CUBN: variants seen among roughly 807,000 people sequenced by gnomAD.
CUBN encodes the protein 460 kDa receptor.
Under a neutral mutation model 405.3 loss-of-function variants are expected in CUBN, and 282 were observed. The ratio of observed to expected loss-of-function variants is 0.70; its 90% CI spans 0.63 to 0.77. The LOEUF (loss-of-function observed/expected upper bound fraction) is 0.77, where lower values mean the gene tolerates loss of function less well. CUBN is among the 30% of genes least tolerant of loss of function. The pLI, the probability that CUBN is intolerant of heterozygous loss-of-function variation, is 0.00. For synonymous variants in CUBN, 1,684 were observed against 1,617.0 expected (o/e 1.04, Z -0.99); for missense variants, 4,514 against 4,475.2 (o/e 1.01, Z -0.25).
rs1384220074 is a variant in CUBN, at chr10:16,956,426, AT to A, written c.4696-1879del. Among the ~76,000 whole-genome samples the A allele has an allele frequency of 1.3e-5, 2 of 152,032 alleles. 1 individual carries two copies. The highest frequency in any genetic ancestry group is 1.3e-4 in the Admixed American group (2 of 15,246). On this transcript the variant is annotated intron_variant, in intron 31 of 66. Transcript: ENST00000377833. ...AATTCCATTTTTCTAACCAATTCAA[AT>A]TATAATTTCCAATCTAGTATGAATC...
At chr10:16,934,899 T>C (rs946485516) in intron 39 of CUBN, among the ~76,000 whole-genome samples, 4 of 152,196 alleles carry the variant, frequency 2.6e-5, no homozygotes, top group Admixed American at 6.5e-5. Flanking sequence ...GAAGGAGACC[T>C]GTTGTTTTCA....
intron 27 of CUBN, among the ~76,000 whole-genome samples, chr10:17,033,540 C>A (rs1010520901): frequency 2.6e-5 from 4 of 152,188 alleles, no homozygotes; most frequent in African/African-American, 9.7e-5. Flanking sequence ...AGGATAGTGA[C>A]AGCCTGAGGA....
In CUBN at chr10:17,100,064, T is replaced by C; in HGVS notation, c.1706A>G (p.Tyr569Cys). ...SSDNALYFHL[Y>C]SEHLRNGRGF... is the part of the protein sequence containing the mutation. ...TCTCCCATTTCTTAAATGTTCAGAA[T>C]AGAGATGAAAATAGAGAGCATTGTC... Residue 569 changes from tyrosine (Y) to cysteine (C), a missense_variant, in exon 14 of 67, where the codon TAT becomes TGT. By Grantham distance (194) the Tyr-to-Cys change is radical (BLOSUM62 -2). This residue lies in a region of CUBN where 1,448 missense variants were observed against 1,388.0 expected (regional missense o/e 1.04). Coordinates refer to ENST00000377833, the MANE Select transcript of CUBN (RefSeq NM_001081.4). 1.2e-6 allele frequency: 2 copies of C among 1,613,988 alleles called. No homozygotes were observed. Among genetic ancestry groups the C allele is most frequent in the Non-Finnish European group, 1.7e-6 (2 of 1,179,946 alleles).
At chr10:16,826,704 G>T (rs879513880) in intron 66 of CUBN, among the ~76,000 whole-genome samples, 1 of 152,086 alleles carries the variant, frequency 6.6e-6, no homozygotes, top group Non-Finnish European at 1.5e-5. Context: ...ACTTAACGTG[G>T]CATTGGATTA....
intron 24 of CUBN, among the ~76,000 whole-genome samples, 176 bp from the exon 25 acceptor site, chr10:17,045,364 T>A (rs1391181480): frequency 6.7e-6 from 1 of 150,254 alleles, no homozygotes; most frequent in African/African-American, 2.4e-5. Context: ...TTTTCTATTT[T>A]TTTTTTTTTT....
chr10:17,000,667 T>G (rs1833852422), intron 28 of CUBN, among the ~76,000 whole-genome samples: 1 of 152,226 alleles, frequency 6.6e-6, no homozygotes, highest in South Asian at 2.1e-4. Flanking sequence ...GAAAAAATAT[T>G]TGCTTTCAGG....
chr10:16,827,358 T>G (rs1336484916), intron 66 of CUBN, among the ~76,000 whole-genome samples: 1 of 152,188 alleles, frequency 6.6e-6, no homozygotes, highest in Admixed American at 6.5e-5. Flanking sequence ...TATATGCAAA[T>G]ATATTCAAAG....
In CUBN at chr10:16,835,138, T is replaced by C. The variant is rs760807440; in HGVS notation, c.10238A>G (p.Asp3413Gly). The C allele has an allele frequency of 5.6e-6, 9 of 1,614,108 alleles. No homozygotes were observed. The African/African-American group carries it at 1.1e-4, about 19-fold the overall frequency. Reference sequence around the variant, plus strand: ...GCAATCCTTGTCATTGTCGTAGTTATCTGGCCATCCAGGGCTTCTCAGGTT... The same window carrying C: ...GCAATCCTTGTCATTGTCGTAGTTACCTGGCCATCCAGGGCTTCTCAGGTT... Reference protein sequence around the residue: ...FGNLRSPGWPDNYDNDKDCTV... With the variant: ...FGNLRSPGWPGNYDNDKDCTV... Residue 3413 changes from aspartate to glycine, a missense_variant, in exon 64 of 67, where the codon GAT becomes GGT. Transcript: ENST00000377833.
intron 22 of CUBN, among the ~76,000 whole-genome samples, chr10:17,059,021 C>T (rs1422926064): frequency 2.0e-5 from 3 of 151,640 alleles, no homozygotes; most frequent in African/African-American, 7.3e-5. Context: ...TTTCCTATCC[C>T]CTAAATTCAA....
chr10:16,958,693 T>C (rs550170723), intron 31 of CUBN, among the ~76,000 whole-genome samples: 2 of 152,314 alleles, frequency 1.3e-5, no homozygotes, highest in South Asian at 4.1e-4. Context: ...ATTAAACTAC[T>C]GTCTCATTCA....
At chr10:17,077,477 G>A (rs534798151) in intron 17 of CUBN, among the ~76,000 whole-genome samples, 4 of 152,262 alleles carry the variant, frequency 2.6e-5, no homozygotes, top group Admixed American at 1.3e-4. Context: ...TAATACGCAC[G>A]CTCATTTGTC....
chr10:16,847,496 T>C (rs1323768760), intron 60 of CUBN, among the ~76,000 whole-genome samples: 2 of 152,054 alleles, frequency 1.3e-5, no homozygotes, highest in African/African-American at 4.8e-5. Flanking sequence ...AAAAAATGTA[T>C]TTTATTTGTA....
At chr10:16,966,620 C>T (rs992622838) in intron 31 of CUBN, among the ~76,000 whole-genome samples, 3 of 151,976 alleles carry the variant, frequency 2.0e-5, no homozygotes, top group African/African-American at 4.8e-5. Context: ...AGCTACATTT[C>T]GTATTTTTAG....
chr10:16,919,060 T>C (rs1333162260), intron 44 of CUBN, among the ~76,000 whole-genome samples: 5 of 152,246 alleles, frequency 3.3e-5, no homozygotes, highest in African/African-American at 1.2e-4. Context: ...CCATATTCTG[T>C]ATTGGTTTTA....
At chr10:17,067,824 G>A (rs1835646187) in intron 21 of CUBN, among the ~76,000 whole-genome samples, 1 of 152,066 alleles carries the variant, frequency 6.6e-6, no homozygotes, top group African/African-American at 2.4e-5. Context: ...AGAAAGTTTT[G>A]TGGGTAGTGG....
chr10:16,883,021 A>G (rs919344332), intron 56 of CUBN, among the ~76,000 whole-genome samples: 2 of 152,014 alleles, frequency 1.3e-5, no homozygotes, highest in African/African-American at 4.8e-5. Context: ...GAAGAAAAGA[A>G]AAGAAAAGAA....
chr10:16,961,721 T>C (rs2131646156), intron 31 of CUBN, among the ~76,000 whole-genome samples: 1 of 143,512 alleles, frequency 7.0e-6, no homozygotes, highest in Non-Finnish European at 1.5e-5. Context: ...TTTTTTTTTT[T>C]TTTTTTTTGA....
chr10:17,115,670 G>C (rs1381951705), intron 6 of CUBN, 73 bp from the exon 7 acceptor site: 2 of 1,532,062 alleles, frequency 1.3e-6, no homozygotes, highest in Non-Finnish European at 1.8e-6. Context: ...ATATCAATGA[G>C]AAAAATAATT....
At chr10:17,000,333 A>T (rs1480838367) in intron 28 of CUBN, among the ~76,000 whole-genome samples, 1 of 152,188 alleles carries the variant, frequency 6.6e-6, no homozygotes, top group Non-Finnish European at 1.5e-5. Flanking sequence ...GCTCCAGAAC[A>T]GCACTTTATA....
Sources: gnomAD v4.1 joint callset for allele counts (sites outside exome capture counted in the v4.1 genomes callset) on GRCh38, gnomAD v4.1.1 for gene constraint, gnomAD v4.1.1 regional missense constraint, MANE v1.5 for transcripts, NCBI Gene and HGNC (gene_info 2026-07-23, HGNC 2026-07-21) for gene names.